IPCEF1: variants seen among roughly 807,000 people sequenced by gnomAD.
IPCEF1 encodes the protein interaction protein for cytohesin exchange factors 1.
In IPCEF1, 31 loss-of-function variants were observed where a neutral mutation model predicts 50.9. The ratio of observed to expected loss-of-function variants is 0.61; its 90% CI spans 0.46 to 0.82. The LOEUF (loss-of-function observed/expected upper bound fraction) is 0.82, where lower values mean the gene tolerates loss of function less well. Ranked by LOEUF, IPCEF1 falls within the 40% of genes least tolerant of loss-of-function variation. The pLI is 0.00. For synonymous variants in IPCEF1, 181 were observed against 192.0 expected, an observed-to-expected ratio of 0.94 and a Z score of 0.47; for missense variants, 458 against 514.0, an observed-to-expected ratio of 0.89 and a Z score of 1.05.
rs551706456 is a variant in IPCEF1, at chr6:154,178,030, A to G, written c.911-9917T>C. Reference sequence around the variant, plus strand: ...TGGAAACCATCATTCTCAGCAAAATATCACAAGGACAGAAAATCAAACACT... The same window carrying G: ...TGGAAACCATCATTCTCAGCAAAATGTCACAAGGACAGAAAATCAAACACT... On this transcript the variant is annotated intron_variant, in intron 10 of 11. Coordinates refer to ENST00000367220, the MANE Select transcript of IPCEF1 (RefSeq NM_001130700.2). Among the ~76,000 whole-genome samples the G allele has an allele frequency of 2.6e-5, 4 of 152,212 alleles. No individual in the cohort carries two copies. The South Asian group carries it at 8.3e-4, about 32-fold the overall frequency.
intron 1 of IPCEF1, among the ~76,000 whole-genome samples, chr6:154,330,462 G>A (rs1480348056): frequency 1.3e-5 from 2 of 149,880 alleles, no homozygotes; most frequent in African/African-American, 2.5e-5. Flanking sequence ...TCGGTCCCCC[G>A]AGTAGCTGAG....
chr6:154,280,904 A>G (rs184656645), intron 2 of IPCEF1, among the ~76,000 whole-genome samples: 1 of 152,318 alleles, frequency 6.6e-6, no homozygotes, highest in Admixed American at 6.5e-5. Flanking sequence ...AGTCATTTTG[A>G]AAAGTGAGAA....
intron 7 of IPCEF1, among the ~76,000 whole-genome samples, chr6:154,220,969 T>G (rs940504611): frequency 1.3e-5 from 2 of 152,258 alleles, no homozygotes; most frequent in African/African-American, 4.8e-5. Context: ...GCCTCTCTCC[T>G]TGTGATGCTG....
At position 154,311,678 on chromosome 6, in the gene IPCEF1, G is replaced by A. The variant is rs940883436; in HGVS notation, c.-61-21922C>T. Among the ~76,000 whole-genome samples, 21 of 152,136 alleles carry A rather than the reference G, an allele frequency of 1.4e-4. 1 individual carries two copies. The highest frequency in any genetic ancestry group is 1.4e-3 in the Admixed American group (21 of 15,278). ...GAAGACATACAAATGGCCAACAAGT[G>A]TATGAAAAAAATTTTCAATATCACT... On this transcript the variant is annotated intron_variant, in intron 1 of 11. Transcript: ENST00000367220.
At chr6:154,289,196 C>T (rs1482706629) in intron 2 of IPCEF1, among the ~76,000 whole-genome samples, 2 of 151,952 alleles carry the variant, frequency 1.3e-5, no homozygotes, top group African/African-American at 4.8e-5. Context: ...TCCAGTCTTT[C>T]CTAGATCATT....
chr6:154,338,039 C>T (rs1783826269), intron 1 of IPCEF1, among the ~76,000 whole-genome samples: 1 of 152,216 alleles, frequency 6.6e-6, no homozygotes, highest in South Asian at 2.1e-4. Context: ...CTTTAGGTCC[C>T]TTATGTAAGG....
At chr6:154,163,412 G>A (rs1446510011) in intron 11 of IPCEF1, among the ~76,000 whole-genome samples, 27 of 152,128 alleles carry the variant, frequency 1.8e-4, no homozygotes, top group Admixed American at 1.8e-3. Context: ...CTTTCAAAGA[G>A]GCCTTTCATG....
At chr6:154,256,944 G>A (rs766862152) in intron 3 of IPCEF1, among the ~76,000 whole-genome samples, 6 of 152,152 alleles carry the variant, frequency 3.9e-5, no homozygotes, top group African/African-American at 7.2e-5. Flanking sequence ...TTTGCCCGGT[G>A]GTGGGCTAAT....
At chr6:154,228,908 C>T (rs1779484239) in intron 5 of IPCEF1, among the ~76,000 whole-genome samples, 1 of 152,210 alleles carries the variant, frequency 6.6e-6, no homozygotes, top group Non-Finnish European at 1.5e-5. Context: ...AAACAAAAAA[C>T]AGAGTAAAGG....
intron 1 of IPCEF1, among the ~76,000 whole-genome samples, chr6:154,328,593 TA>T (rs35105337): frequency 0.025 from 3,589 of 145,134 alleles, 60 homozygotes; most frequent in Non-Finnish European, 0.035. Flanking sequence ...AAAAGAAAAT[TA>T]AAAAAAAAAA....
intron 1 of IPCEF1, among the ~76,000 whole-genome samples, chr6:154,323,047 T>A (rs1485653018): frequency 6.6e-6 from 1 of 152,142 alleles, no homozygotes; most frequent in Non-Finnish European, 1.5e-5. Context: ...ATGTGACAAG[T>A]GCTTTTAAAC....
intron 11 of IPCEF1, among the ~76,000 whole-genome samples, chr6:154,166,788 A>G (rs1284467283): frequency 6.6e-6 from 1 of 152,196 alleles, no homozygotes. Context: ...AGACAGTAAA[A>G]TCCCAACACG....
Position 154,212,724 on chromosome 6 carries a change from C to T in IPCEF1, c.537+46G>A, listed in dbSNP as rs1380676583. 2.4e-6 allele frequency: 3 copies of T among 1,263,836 alleles called. No individual in the cohort carries two copies. The Admixed American group carries it at 5.2e-5, about 22-fold the overall frequency. The allele number at this position is 1,263,836 out of a possible 1,614,324, so 78.3% of individuals were successfully genotyped here. ...CTATTCAATTGGAAGAAATGACATC[C>T]ACATGTCTGATCGATGACCAACAGA... On this transcript the variant is annotated intron_variant, in intron 9 of 11. Transcript: ENST00000367220.
intron 2 of IPCEF1, among the ~76,000 whole-genome samples, chr6:154,267,287 A>C (rs11961296): frequency 0.085 from 12,979 of 151,850 alleles, 708 homozygotes; most frequent in African/African-American, 0.14. Flanking sequence ...GAACAAATAA[A>C]GGAAAATTGA....
intron 3 of IPCEF1, among the ~76,000 whole-genome samples, chr6:154,263,446 TC>T (rs1781657225): frequency 7.6e-6 from 1 of 132,392 alleles, no homozygotes; most frequent in African/African-American, 2.8e-5. Flanking sequence ...TGGTGATGAC[TC>T]TTAAGGAGCA....
chr6:154,159,567 C>T lies in IPCEF1; in HGVS notation c.*261G>A. 3 of 478,528 alleles carry T rather than the reference C, an allele frequency of 6.3e-6. No individual in the cohort carries two copies. The highest frequency in any genetic ancestry group is 1.1e-5 in the Non-Finnish European group (3 of 273,398). 29.6% of individuals were successfully genotyped at this position (478,528 alleles called of 1,614,324 possible). ...TCACATCCCCCCTAGAGCCCCACAT[C>T]ACCGTGAGCTCCCAGTAGGAACACA... On this transcript the variant is annotated 3_prime_UTR_variant, in exon 12 of 12. Transcript: ENST00000367220.
intron 9 of IPCEF1, among the ~76,000 whole-genome samples, chr6:154,207,197 G>GTGAC (rs1304585584): frequency 6.6e-6 from 1 of 152,212 alleles, no homozygotes; most frequent in African/African-American, 2.4e-5. Context: ...ACCGGGCTGC[G>GTGAC]TGACTGACTG....
At chr6:154,281,365 A>T (rs1782207200) in intron 2 of IPCEF1, among the ~76,000 whole-genome samples, 1 of 151,402 alleles carries the variant, frequency 6.6e-6, no homozygotes, top group Admixed American at 6.6e-5. Context: ...AAAAAAAAAA[A>T]ATTTTTTTTA....
At chr6:154,216,234 T>G (rs1778382017) in intron 7 of IPCEF1, among the ~76,000 whole-genome samples, 1 of 152,090 alleles carries the variant, frequency 6.6e-6, no homozygotes, top group Admixed American at 6.5e-5. Flanking sequence ...AATGGATAAA[T>G]AAATTATTTA....
Sources: allele counts gnomAD v4.1 joint callset (sites outside exome capture counted in the v4.1 genomes callset), GRCh38; gene constraint gnomAD v4.1.1; transcripts MANE v1.5; gene names NCBI Gene and HGNC (gene_info 2026-07-23, HGNC 2026-07-21).